Variants in NEK7 observed in about 807,000 individuals in gnomAD.
NEK7 encodes the protein NIMA related kinase 7, also known as serine/threonine-protein kinase Nek7.
NEK7 carries 18 observed loss-of-function variants against 44.6 expected under a neutral mutation model. The ratio of observed to expected loss-of-function variants is 0.40; its 90% confidence interval spans 0.28 to 0.60. The LOEUF (loss-of-function observed/expected upper bound fraction) is 0.60, where lower values mean the gene tolerates loss of function less well. Among genes scored for constraint, NEK7 ranks in the 20% least tolerant of loss-of-function variants. The pLI is 0.38. For missense variants in NEK7, 256 were observed against 366.5 expected (o/e 0.70, Z 2.46); for synonymous variants, 130 against 121.1 (o/e 1.07, Z -0.48).
At chr1:198,256,338 T>TA (rs1383583520) in intron 3 of NEK7, 4 of 1,606,116 alleles carry the variant, frequency 2.5e-6, no homozygotes, top group Non-Finnish European at 3.4e-6. Context: ...GTTTGCCTGT[T>TA]ACCTGTATGG....
chr1:198,227,504 A>G (rs1334350591), intron 1 of NEK7, among the ~76,000 whole-genome samples: 1 of 152,078 alleles, frequency 6.6e-6, no homozygotes, highest in East Asian at 1.9e-4. Context: ...AAGTGTTCCT[A>G]TTTCTCCACA....
chr1:198,230,619 G>A (rs1666360289), intron 1 of NEK7, among the ~76,000 whole-genome samples: 1 of 152,016 alleles, frequency 6.6e-6, no homozygotes, highest in Non-Finnish European at 1.5e-5. Flanking sequence ...TAGGAAAAAG[G>A]AAAGGATGTC....
chr1:198,311,227 T>A (rs1655171679), intron 9 of NEK7, among the ~76,000 whole-genome samples: 1 of 145,928 alleles, frequency 6.9e-6, no homozygotes. Flanking sequence ...ACTCATGATT[T>A]GGCTCTCTGT....
chr1:198,302,168 TC>T lies in NEK7; in HGVS notation c.798+4929del, dbSNP rs1654907829. On this transcript the variant is annotated intron_variant, in intron 9 of 9. Transcript: ENST00000367385. ...GAAAACTATTTGTTTTTTAAAAAGA[TC>T]AAGTAATGAGCCCACTCAAAAAAAT... Among the ~76,000 whole-genome samples the T allele has an allele frequency of 2.6e-5, 4 of 152,136 alleles. No homozygotes were observed. In the South Asian group the frequency reaches 6.2e-4, roughly 24 times the overall value.
Position 198,321,259 on chromosome 1 carries a change from T to A in NEK7, c.*1737T>A, listed in dbSNP as rs1655526758. The A allele has an allele frequency of 6.6e-6, 1 of 152,216 alleles. No homozygotes were observed. The highest frequency in any genetic ancestry group is 1.5e-5 in the Non-Finnish European group (1 of 68,032). 9.4% of individuals were successfully genotyped at this position (152,216 alleles called of 1,614,324 possible). A position where few individuals can be genotyped will look rare whatever the true frequency, so the allele number is the denominator to read the frequency against. On this transcript the variant is annotated 3_prime_UTR_variant, in exon 10 of 10. Transcript: ENST00000367385. ...ATGTATGGTTTCTGAAGGGTAATTTTATTTTGGAATAGGTAAAGGAAACCT... is the reference window on the plus strand; with the variant it reads ...ATGTATGGTTTCTGAAGGGTAATTTAATTTTGGAATAGGTAAAGGAAACCT...
chr1:198,321,181 A>C lies in NEK7; in HGVS notation c.*1659A>C, dbSNP rs542810948. On this transcript the variant is annotated 3_prime_UTR_variant, in exon 10 of 10. Transcript: ENST00000367385. ...CTTTCAAGCATTTGTAAACTTAAAA[A>C]ATGTATAAAGGGCAAAAAGTCTGAA... 77 of 152,320 alleles carry C rather than the reference A, an allele frequency of 5.1e-4. No individual in the cohort carries two copies. The highest frequency in any genetic ancestry group is 1.9e-3 in the African/African-American group (77 of 41,572). 9.4% of individuals were successfully genotyped at this position (152,320 alleles called of 1,614,324 possible). A position where few individuals can be genotyped will look rare whatever the true frequency, so the allele number is the denominator to read the frequency against.
chr1:198,220,851 G>C (rs574905840), intron 1 of NEK7: 1 of 151,876 alleles, frequency 6.6e-6, no homozygotes, highest in Non-Finnish European at 1.5e-5. Context: ...AAATATGATT[G>C]ATCCTCTTTT....
At chr1:198,180,174 C>G (rs538590359) in intron 1 of NEK7, among the ~76,000 whole-genome samples, 16 of 151,392 alleles carry the variant, frequency 1.1e-4, no homozygotes, top group African/African-American at 3.9e-4. Flanking sequence ...ATCATGATTT[C>G]TACACCTCCC....
At chr1:198,318,368 T>C (rs942135561) in intron 9 of NEK7, among the ~76,000 whole-genome samples, 7 of 152,196 alleles carry the variant, frequency 4.6e-5, no homozygotes, top group Non-Finnish European at 8.8e-5. Flanking sequence ...ATGACATTTC[T>C]CAGTGCCATT....
chr1:198,189,262 T>G (rs137894706), intron 1 of NEK7, among the ~76,000 whole-genome samples: 54 of 152,310 alleles, frequency 3.5e-4, no homozygotes, highest in African/African-American at 1.0e-3. Context: ...TTGTTATTTT[T>G]GTTTAATTTT....
intron 1 of NEK7, among the ~76,000 whole-genome samples, chr1:198,185,524 CTAATT>C (rs1482698344): frequency 6.6e-6 from 1 of 152,006 alleles, no homozygotes; most frequent in African/African-American, 2.4e-5. Context: ...AACTAGATAT[CTAATT>C]TAAGTTACAG....
chr1:198,312,223 C>T (rs1464012453), intron 9 of NEK7, among the ~76,000 whole-genome samples: 4 of 151,338 alleles, frequency 2.6e-5, no homozygotes, highest in Non-Finnish European at 4.4e-5. Flanking sequence ...AGTTTATTTG[C>T]GTAGAGGTGT....
chr1:198,199,599 G>A (rs894477942), intron 1 of NEK7, among the ~76,000 whole-genome samples: 4 of 150,902 alleles, frequency 2.7e-5, no homozygotes, highest in South Asian at 2.1e-4. Context: ...AGTACTATTC[G>A]TTTTTGCTTT....
chr1:198,307,378 A>G (rs1011670277), intron 9 of NEK7, among the ~76,000 whole-genome samples: 1 of 152,150 alleles, frequency 6.6e-6, no homozygotes, highest in African/African-American at 2.4e-5. Flanking sequence ...TTGGAAAGGC[A>G]CTTTGTCAGC....
At chr1:198,165,906 G>A (rs756134087) in intron 1 of NEK7, among the ~76,000 whole-genome samples, 4 of 152,174 alleles carry the variant, frequency 2.6e-5, no homozygotes, top group Non-Finnish European at 5.9e-5. Context: ...AGATCTTCTG[G>A]ATAACTTGCT....
At chr1:198,271,129 G>C (rs544731224) in intron 5 of NEK7, among the ~76,000 whole-genome samples, 1 of 152,126 alleles carries the variant, frequency 6.6e-6, no homozygotes, top group Admixed American at 6.6e-5. Flanking sequence ...TCTGGATTCA[G>C]ATCTCTCTTG....
rs1298821238 is a variant in NEK7, at chr1:198,297,234, A to G, written c.792A>G (p.Ser264=). The G allele has an allele frequency of 1.9e-6, 3 of 1,612,874 alleles. No homozygotes were observed. The highest frequency in any genetic ancestry group is 1.6e-4 in the Middle Eastern group (1 of 6,076). Residue 264 remains serine, a synonymous_variant, in exon 9 of 10, where the codon TCA becomes TCG. Coordinates refer to ENST00000367385, the MANE Select transcript of NEK7 (RefSeq NM_133494.3). The stretch of plus-strand genomic sequence containing the variant: ...CACCTCTTCCTTCAGATCACTATTC[A>G]GAAGAAGTAAGTCATTTTCAGCCCA... ...DYPPLPSDHY[S]EELRQLVNMC... is the part of the protein sequence containing the mutation.
rs192756360 is a variant in NEK7, at chr1:198,216,996, T to C, written c.-28-15557T>C. 1.2e-3 allele frequency among the ~76,000 whole-genome samples: 189 copies of C among 152,104 alleles called. 1 individual carries two copies. Among genetic ancestry groups the C allele is most frequent in the Non-Finnish European group, 4.4e-4 (30 of 67,910 alleles). ...CAAGAAAAATAAGCCCAGGGCCACA[T>C]AGATTCACAGCCAAATTCTACCAGA... On this transcript the variant is annotated intron_variant, in intron 1 of 9. Transcript: ENST00000367385.
chr1:198,225,006 GA>G (rs1666173141), intron 1 of NEK7, among the ~76,000 whole-genome samples: 1 of 152,024 alleles, frequency 6.6e-6, no homozygotes, highest in Admixed American at 6.6e-5. Flanking sequence ...TACCTGCAGT[GA>G]AGATACAAAT....
Sources: allele counts gnomAD v4.1 joint callset (sites outside exome capture counted in the v4.1 genomes callset), GRCh38; gene constraint gnomAD v4.1.1; transcripts MANE v1.5; gene names NCBI Gene and HGNC (gene_info 2026-07-23, HGNC 2026-07-21).